GNA14: variants seen among roughly 807,000 people sequenced by gnomAD.
GNA14 encodes the protein G protein subunit alpha 14.
A neutral mutation model predicts 42.0 loss-of-function variants in GNA14; 50 were observed. That is an observed-to-expected ratio of 1.19 (90% CI 0.95 to 1.51). The LOEUF (loss-of-function observed/expected upper bound fraction) is 1.51. Among genes scored for constraint, GNA14 ranks in the 40% most tolerant of loss-of-function variants. The probability of loss-of-function intolerance (pLI) is 0.00; values close to 1 mark genes in which losing one functional copy is unlikely to be tolerated. For synonymous variants in GNA14, 173 were observed against 163.1 expected (o/e 1.06, Z -0.46); for missense variants, 473 against 446.2 (o/e 1.06, Z -0.54).
intron 2 of GNA14, among the ~76,000 whole-genome samples, chr9:77,436,370 T>C: frequency 6.6e-6 from 1 of 152,180 alleles, no homozygotes; most frequent in East Asian, 1.9e-4. Flanking sequence ...TTTCCAGGGG[T>C]ACCTGAATTA....
chr9:77,434,237 TG>T (rs1835605295), intron 3 of GNA14, 130 bp downstream of exon 3: 3 of 794,778 alleles, frequency 3.8e-6, no homozygotes, highest in African/African-American at 1.7e-5. Context: ...AGGAGGGATA[TG>T]GGAAAGCAAA....
At chr9:77,465,864 C>T (rs1314619266) in intron 2 of GNA14, among the ~76,000 whole-genome samples, 1 of 152,152 alleles carries the variant, frequency 6.6e-6, no homozygotes, top group African/African-American at 2.4e-5. Context: ...ACCTTGGCCT[C>T]CCAAAATGCT....
chr9:77,475,593 C>T (rs1836405171), intron 2 of GNA14, among the ~76,000 whole-genome samples: 1 of 152,168 alleles, frequency 6.6e-6, no homozygotes, highest in Admixed American at 6.5e-5. Flanking sequence ...GGTCTGAGAA[C>T]TGAGCATGGA....
intron 2 of GNA14, among the ~76,000 whole-genome samples, chr9:77,459,818 G>A (rs968558151): frequency 3.9e-5 from 6 of 152,080 alleles, no homozygotes; most frequent in African/African-American, 7.2e-5. Flanking sequence ...CACAGCCCAC[G>A]GGGCCTAGAA....
intron 1 of GNA14, among the ~76,000 whole-genome samples, chr9:77,620,761 T>G (rs1823907319): frequency 6.7e-6 from 1 of 150,314 alleles, no homozygotes; most frequent in Non-Finnish European, 1.5e-5. Flanking sequence ...GCAGGAGAAT[T>G]TGTTTGAACG....
At chr9:77,496,482 T>C (rs1836871701) in intron 2 of GNA14, among the ~76,000 whole-genome samples, 1 of 152,232 alleles carries the variant, frequency 6.6e-6, no homozygotes, top group South Asian at 2.1e-4. Flanking sequence ...GCACCTTCTG[T>C]AGCCCAGATA....
intron 1 of GNA14, among the ~76,000 whole-genome samples, chr9:77,537,509 T>G (rs969897373): frequency 2.0e-5 from 3 of 152,234 alleles, no homozygotes; most frequent in African/African-American, 7.2e-5. Context: ...TGATTCCTTA[T>G]CTTTGCTATT....
At chr9:77,572,779 T>C (rs1823079036) in intron 1 of GNA14, among the ~76,000 whole-genome samples, 2 of 152,224 alleles carry the variant, frequency 1.3e-5, no homozygotes, top group South Asian at 4.1e-4. Context: ...ACTCTGTACA[T>C]TTTTAAATCA....
At chr9:77,539,386 T>C (rs1837633050) in intron 1 of GNA14, among the ~76,000 whole-genome samples, 1 of 152,250 alleles carries the variant, frequency 6.6e-6, no homozygotes. Context: ...ATGTTCATGA[T>C]GTGCTGTTGG....
At chr9:77,435,097 G>A (rs558378527) in intron 2 of GNA14, among the ~76,000 whole-genome samples, 1 of 149,794 alleles carries the variant, frequency 6.7e-6, no homozygotes, top group Non-Finnish European at 1.5e-5. Context: ...GGTGGTTCAT[G>A]CCTGTAATCC....
chr9:77,626,471 G>A (rs780730306), intron 1 of GNA14, among the ~76,000 whole-genome samples: 1 of 152,038 alleles, frequency 6.6e-6, no homozygotes. Context: ...GTTTAAAATT[G>A]ACCGCATCAT....
intron 1 of GNA14, among the ~76,000 whole-genome samples, chr9:77,643,498 C>G (rs1292172485): frequency 6.6e-6 from 1 of 152,174 alleles, no homozygotes; most frequent in Non-Finnish European, 1.5e-5. Context: ...CTCAGCCTCC[C>G]AAAGTGCTGC....
At chr9:77,456,678 T>C (rs1265171776) in intron 2 of GNA14, among the ~76,000 whole-genome samples, 1 of 152,156 alleles carries the variant, frequency 6.6e-6, no homozygotes, top group Non-Finnish European at 1.5e-5. Context: ...AAACAGAGTA[T>C]GAAAAACTAG....
chr9:77,525,161 A>G (rs1404695657), intron 2 of GNA14, among the ~76,000 whole-genome samples: 5 of 152,224 alleles, frequency 3.3e-5, no homozygotes, highest in Non-Finnish European at 7.3e-5. Flanking sequence ...CTTATTAGAT[A>G]TTGCCTATGT....
chr9:77,555,444 C>G (rs1308465809), intron 1 of GNA14, among the ~76,000 whole-genome samples: 1 of 152,116 alleles, frequency 6.6e-6, no homozygotes, highest in African/African-American at 2.4e-5. Context: ...GCCTAAGTTG[C>G]AATGAACCGA....
In GNA14 at chr9:77,541,291, A is replaced by G. The variant is rs556039773; in HGVS notation, c.125-12038T>C. 6.6e-5 allele frequency among the ~76,000 whole-genome samples: 10 copies of G among 152,266 alleles called. 2 individuals are homozygous for G. The South Asian group carries it at 1.9e-3, about 28-fold the overall frequency. On this transcript the variant is annotated intron_variant, in intron 1 of 6. Transcript: ENST00000341700. ...TACTTTATTTTTTCTTTATTTATGA[A>G]GAGTAATTTTGCTGGATATAGTATC...
At chr9:77,508,031 A>C (rs992686389) in intron 2 of GNA14, among the ~76,000 whole-genome samples, 1 of 152,178 alleles carries the variant, frequency 6.6e-6, no homozygotes, top group Non-Finnish European at 1.5e-5. Flanking sequence ...GCTCACTCTT[A>C]TTAGTGGGTT....
At chr9:77,479,304 G>C (rs967921129) in intron 2 of GNA14, among the ~76,000 whole-genome samples, 7 of 152,102 alleles carry the variant, frequency 4.6e-5, no homozygotes, top group African/African-American at 1.2e-4. Flanking sequence ...GCTTGTTTTT[G>C]TCAGGTTTGT....
At chr9:77,444,209 T>C (rs191812788) in intron 2 of GNA14, among the ~76,000 whole-genome samples, 1 of 152,318 alleles carries the variant, frequency 6.6e-6, no homozygotes, top group Admixed American at 6.5e-5. Flanking sequence ...GGAAAGAGAC[T>C]TGCAAGGCAG....
Sources: gnomAD v4.1 joint callset for allele counts (sites outside exome capture counted in the v4.1 genomes callset) on GRCh38, gnomAD v4.1.1 for gene constraint, MANE v1.5 for transcripts, NCBI Gene and HGNC (gene_info 2026-07-23, HGNC 2026-07-21) for gene names.